The following IL1RAPL2 variants were observed in gnomAD, a reference collection of about 807,000 sequenced individuals.
IL1RAPL2 encodes the protein X-linked interleukin-1 receptor accessory protein-like 2.
IL1RAPL2 carries 3 observed loss-of-function variants against 44.1 expected under a neutral mutation model. That is an observed-to-expected ratio of 0.07 (90% CI 0.03 to 0.18). The LOEUF is 0.18. IL1RAPL2 is among the 10% of genes least tolerant of loss of function. The probability of loss-of-function intolerance (pLI) is 1.00; values close to 1 mark genes in which losing one functional copy is unlikely to be tolerated. For missense variants in IL1RAPL2, 391 were observed against 496.4 expected, an observed-to-expected ratio of 0.79 and a Z score of 2.02; for synonymous variants, 181 against 178.8, an observed-to-expected ratio of 1.01 and a Z score of -0.10.
chrX:105,767,431 T>G lies in IL1RAPL2; in HGVS notation c.1831T>G (p.Ser611Ala). The G allele has an allele frequency of 8.3e-7, 1 of 1,211,034 alleles. No homozygotes were observed. Among genetic ancestry groups the G allele is most frequent in the African/African-American group, 1.7e-5 (1 of 57,656 alleles). Residue 611 changes from serine to alanine, a missense_variant, in exon 11 of 11, where the codon TCA becomes GCA. Transcript: ENST00000372582. ...TCTCCCTGAATTCCACCCTTCAGAT[T>G]CAATGCAAATCAGGCACTGTTGCAG... is the stretch of plus-strand genomic sequence containing the variant. ...ADLPEFHPSD[S>A]MQIRHCCRGY...
intron 2 of IL1RAPL2, among the ~76,000 whole-genome samples, chrX:104,665,919 A>G (rs1930480078): frequency 9.0e-6 from 1 of 111,628 alleles, no homozygotes; most frequent in Non-Finnish European, 1.9e-5. Flanking sequence ...GATTCCTAGA[A>G]GTGGAAATGT....
intron 6 of IL1RAPL2, among the ~76,000 whole-genome samples, chrX:105,615,452 T>C (rs947080203): frequency 8.9e-6 from 1 of 111,904 alleles, no homozygotes; most frequent in African/African-American, 3.3e-5. Flanking sequence ...ACAGATAAAT[T>C]AATAAAGAAA....
intron 2 of IL1RAPL2, among the ~76,000 whole-genome samples, chrX:104,896,474 G>A (rs1049476543): frequency 9.0e-6 from 1 of 111,651 alleles, no homozygotes; most frequent in African/African-American, 3.3e-5. Flanking sequence ...CAGTTGGGGT[G>A]TCCTGTTTAG....
At chrX:105,215,850 A>G (rs915027102) in intron 3 of IL1RAPL2, among the ~76,000 whole-genome samples, 5 of 112,091 alleles carry the variant, frequency 4.5e-5, no homozygotes, top group Non-Finnish European at 7.5e-5. Context: ...AACAGAACCA[A>G]TGACAAAAAC....
intron 2 of IL1RAPL2, among the ~76,000 whole-genome samples, chrX:105,186,349 C>G (rs1251527542): frequency 1.1e-4 from 12 of 111,770 alleles, no homozygotes; most frequent in African/African-American, 3.6e-4. Context: ...AACCAAGATG[C>G]CATTTGACAC....
intron 2 of IL1RAPL2, among the ~76,000 whole-genome samples, chrX:105,016,591 G>A (rs2031181850): frequency 9.0e-6 from 1 of 111,459 alleles, no homozygotes; most frequent in Non-Finnish European, 1.9e-5. Flanking sequence ...TTTGTCTTTG[G>A]TTCTGTTTAT....
At chrX:104,643,036 TCTCCA>T (rs1929964849) in intron 1 of IL1RAPL2, among the ~76,000 whole-genome samples, 1 of 112,126 alleles carries the variant, frequency 8.9e-6, no homozygotes, top group Non-Finnish European at 1.9e-5. Flanking sequence ...GCTAATTTGT[TCTCCA>T]GAAAAATGAA....
chrX:104,709,223 T>A (rs1053620967), intron 2 of IL1RAPL2, among the ~76,000 whole-genome samples: 2 of 109,342 alleles, frequency 1.8e-5, no homozygotes, highest in African/African-American at 6.6e-5. Context: ...CTGTTGAGCC[T>A]GTCCCATTCA....
chrX:105,597,445 G>T (rs896118351), intron 6 of IL1RAPL2, among the ~76,000 whole-genome samples: 3 of 111,166 alleles, frequency 2.7e-5, no homozygotes, highest in Admixed American at 9.6e-5. Flanking sequence ...GAAGAATGAT[G>T]GTAGCATCTG....
At chrX:104,677,320 G>A (rs1439616037) in intron 2 of IL1RAPL2, among the ~76,000 whole-genome samples, 1 of 109,696 alleles carries the variant, frequency 9.1e-6, no homozygotes, top group Non-Finnish European at 1.9e-5. Context: ...CTAACAGACC[G>A]GACCCTCAGC....
At chrX:105,511,101 C>A (rs1250487339) in intron 6 of IL1RAPL2, among the ~76,000 whole-genome samples, 1 of 111,696 alleles carries the variant, frequency 9.0e-6, no homozygotes, top group Non-Finnish European at 1.9e-5. Context: ...GTTGACCACT[C>A]ACATTTACAT....
At chrX:105,421,199 A>G (rs2035771889) in intron 5 of IL1RAPL2, among the ~76,000 whole-genome samples, 1 of 111,483 alleles carries the variant, frequency 9.0e-6, no homozygotes, top group South Asian at 3.8e-4. Context: ...AAGACAGGAC[A>G]ACTCAAAGTG....
At chrX:105,590,101 T>TG (rs1569456682) in intron 6 of IL1RAPL2, among the ~76,000 whole-genome samples, 1 of 111,682 alleles carries the variant, frequency 9.0e-6, no homozygotes, top group East Asian at 2.8e-4. Context: ...ACTCTCTAGT[T>TG]AGCTGTATTA....
chrX:105,034,420 G>T (rs2031580378), intron 2 of IL1RAPL2, among the ~76,000 whole-genome samples: 1 of 112,065 alleles, frequency 8.9e-6, no homozygotes, highest in African/African-American at 3.2e-5. Context: ...TGTCCTTTCT[G>T]TTTGTTAGTT....
At chrX:104,900,844 C>CA (rs2147673174) in intron 2 of IL1RAPL2, among the ~76,000 whole-genome samples, 1 of 111,855 alleles carries the variant, frequency 8.9e-6, no homozygotes, top group Non-Finnish European at 1.9e-5. Flanking sequence ...GGAGGAGCTA[C>CA]AAAGACCTAT....
intron 5 of IL1RAPL2, chrX:105,406,403 G>C: frequency 5.6e-6 from 6 of 1,067,015 alleles, no homozygotes; most frequent in Non-Finnish European, 7.8e-6. Flanking sequence ...AAGATTTTTT[G>C]GTATTGTCTC....
At chrX:105,105,503 G>A (rs983191932) in intron 2 of IL1RAPL2, among the ~76,000 whole-genome samples, 1 of 112,571 alleles carries the variant, frequency 8.9e-6, no homozygotes, top group Non-Finnish European at 1.9e-5. Flanking sequence ...ACAGGAGAAT[G>A]CCAGGCAGAC....
chrX:105,666,057 C>T (rs1226143072), intron 6 of IL1RAPL2, among the ~76,000 whole-genome samples: 2 of 102,041 alleles, frequency 2.0e-5, no homozygotes, highest in Non-Finnish European at 2.0e-5. Context: ...CCACCGCGCC[C>T]GGCCGTAATA....
chrX:104,880,902 T>C (rs976413642), intron 2 of IL1RAPL2, among the ~76,000 whole-genome samples: 2 of 111,965 alleles, frequency 1.8e-5, no homozygotes, highest in Non-Finnish European at 3.8e-5. Flanking sequence ...ATTAATGATT[T>C]ATGTTTCACA....
Sources: gnomAD v4.1 joint callset for allele counts (sites outside exome capture counted in the v4.1 genomes callset) on GRCh38, gnomAD v4.1.1 for gene constraint, MANE v1.5 for transcripts, NCBI Gene and HGNC (gene_info 2026-07-23, HGNC 2026-07-21) for gene names.